The following CDH9 variants were observed in gnomAD, a reference collection of about 807,000 sequenced individuals.
CDH9 encodes cadherin-9.
Under a neutral mutation model 70.9 loss-of-function variants are expected in CDH9, and 28 were observed. That is an observed-to-expected ratio of 0.40 (90% CI 0.29 to 0.54). CDH9 has a LOEUF of 0.54. CDH9 is among the 20% of genes least tolerant of loss of function. CDH9 has a pLI of 0.59. For synonymous variants in CDH9, 409 were observed against 343.1 expected (o/e 1.19, Z -2.12); for missense variants, 874 against 984.4 (o/e 0.89, Z 1.50).
At chr5:27,004,544 G>A (rs1742826083) in intron 1 of CDH9, among the ~76,000 whole-genome samples, 1 of 152,178 alleles carries the variant, frequency 6.6e-6, no homozygotes, top group Middle Eastern at 3.4e-3. Flanking sequence ...AAATAATGAG[G>A]AGATTGAAAT....
chr5:26,920,114 T>C (rs1741218530), intron 2 of CDH9, among the ~76,000 whole-genome samples: 2 of 151,906 alleles, frequency 1.3e-5, no homozygotes, highest in African/African-American at 2.4e-5. Flanking sequence ...TTGAACAGCA[T>C]TTCTGAACCT....
chr5:26,882,066 T>C (rs1228754550), intron 11 of CDH9, among the ~76,000 whole-genome samples: 1 of 152,106 alleles, frequency 6.6e-6, no homozygotes, highest in South Asian at 2.1e-4. Context: ...CATATATAGA[T>C]ACATATATAC....
At chr5:26,883,429 AC>A (rs1208448039) in intron 11 of CDH9, among the ~76,000 whole-genome samples, 3 of 151,894 alleles carry the variant, frequency 2.0e-5, no homozygotes, top group African/African-American at 7.2e-5. Context: ...AATCTGGGGC[AC>A]GTGAACAGAA....
At chr5:26,941,048 AT>A (rs1741654378) in intron 2 of CDH9, among the ~76,000 whole-genome samples, 1 of 152,250 alleles carries the variant, frequency 6.6e-6, no homozygotes, top group Non-Finnish European at 1.5e-5. Context: ...AAATGAATGA[AT>A]GTCTTCCACC....
intron 2 of CDH9, among the ~76,000 whole-genome samples, chr5:26,954,585 C>T (rs907864524): frequency 2.4e-4 from 36 of 151,556 alleles, no homozygotes; most frequent in Non-Finnish European, 4.6e-4. Context: ...GGGGTTTCAC[C>T]GTGTTAGCCA....
chr5:26,974,629 A>G (rs903036682), intron 2 of CDH9, among the ~76,000 whole-genome samples: 3 of 152,214 alleles, frequency 2.0e-5, no homozygotes, highest in African/African-American at 7.2e-5. Context: ...AAAATACAAA[A>G]GACAAAACAG....
chr5:26,907,065 T>G (rs1485225599), intron 3 of CDH9, among the ~76,000 whole-genome samples: 5 of 152,154 alleles, frequency 3.3e-5, no homozygotes, highest in Admixed American at 3.3e-4. Context: ...TCAAAATATA[T>G]TATCAGTAAG....
intron 1 of CDH9, among the ~76,000 whole-genome samples, chr5:27,015,978 A>T (rs1045909766): frequency 3.3e-5 from 5 of 151,856 alleles, no homozygotes; most frequent in Non-Finnish European, 7.4e-5. Context: ...TAGAAAGAGG[A>T]TTGTACAGAC....
intron 7 of CDH9, among the ~76,000 whole-genome samples, chr5:26,898,943 A>G (rs1740801942): frequency 6.6e-6 from 1 of 152,232 alleles, no homozygotes; most frequent in South Asian, 2.1e-4. Flanking sequence ...GCTAATATCC[A>G]GAATCTACAA....
intron 2 of CDH9, among the ~76,000 whole-genome samples, chr5:26,965,315 C>A (rs1285916604): frequency 6.6e-6 from 1 of 152,114 alleles, no homozygotes; most frequent in Non-Finnish European, 1.5e-5. Flanking sequence ...GTAGCTTGCA[C>A]CTGTAATCCC....
intron 1 of CDH9, among the ~76,000 whole-genome samples, chr5:27,005,434 C>G (rs906339967): frequency 6.6e-6 from 1 of 152,016 alleles, no homozygotes; most frequent in African/African-American, 2.4e-5. Flanking sequence ...TATCACTGAT[C>G]ATTAGAAAAA....
chr5:26,972,919 A>G (rs910302899), intron 2 of CDH9, among the ~76,000 whole-genome samples: 50 of 150,918 alleles, frequency 3.3e-4, no homozygotes, highest in African/African-American at 1.2e-3. Context: ...GCTAGAGTGC[A>G]GTGGCACGAT....
At chr5:27,010,935 A>C (rs1742944829) in intron 1 of CDH9, among the ~76,000 whole-genome samples, 1 of 152,140 alleles carries the variant, frequency 6.6e-6, no homozygotes, top group African/African-American at 2.4e-5. Context: ...TATCAACAGG[A>C]ATCTAAGGAA....
At chr5:26,930,144 T>C (rs1343241946) in intron 2 of CDH9, among the ~76,000 whole-genome samples, 3 of 152,012 alleles carry the variant, frequency 2.0e-5, no homozygotes, top group African/African-American at 4.8e-5. Context: ...TACATAAATA[T>C]AAAAAATTCA....
At chr5:26,911,514 G>A (rs1378239667) in intron 3 of CDH9, among the ~76,000 whole-genome samples, 1 of 152,056 alleles carries the variant, frequency 6.6e-6, no homozygotes. Flanking sequence ...GGACTGGATA[G>A]GTTTTTGAGA....
At chr5:27,012,978 T>C (rs1742984480) in intron 1 of CDH9, among the ~76,000 whole-genome samples, 1 of 151,964 alleles carries the variant, frequency 6.6e-6, no homozygotes, top group Admixed American at 6.6e-5. Context: ...ATAATAGTCA[T>C]TTATTAGTGT....
chr5:26,999,733 C>T (rs1312575327), intron 1 of CDH9, among the ~76,000 whole-genome samples: 1 of 152,046 alleles, frequency 6.6e-6, no homozygotes, highest in African/African-American at 2.4e-5. Context: ...CTTGAAGTAA[C>T]ACAAAATGGA....
At chr5:26,891,633 G>A (rs567051291) in intron 7 of CDH9, among the ~76,000 whole-genome samples, 16 of 152,114 alleles carry the variant, frequency 1.1e-4, no homozygotes, top group Admixed American at 6.5e-4. Context: ...AGCCGAGATG[G>A]CACCACTGCA....
At chr5:26,955,428 C>T (rs530739371) in intron 2 of CDH9, among the ~76,000 whole-genome samples, 1 of 152,310 alleles carries the variant, frequency 6.6e-6, no homozygotes, top group East Asian at 1.9e-4. Context: ...TTCCTCAGGG[C>T]TCAAGGGGAG....
Sources: gnomAD v4.1 joint callset for allele counts (sites outside exome capture counted in the v4.1 genomes callset) on GRCh38, gnomAD v4.1.1 for gene constraint, MANE v1.5 for transcripts, NCBI Gene and HGNC (gene_info 2026-07-23, HGNC 2026-07-21) for gene names.